Variants in MERTK observed in about 807,000 individuals in gnomAD.
MERTK encodes the protein tyrosine-protein kinase Mer.
In MERTK, 69 loss-of-function variants were observed where a neutral mutation model predicts 99.3. The observed-to-expected ratio is 0.70, with a 90% CI of 0.57 to 0.85. The LOEUF (loss-of-function observed/expected upper bound fraction) is 0.85. Among genes scored for constraint, MERTK ranks in the 40% least tolerant of loss-of-function variants. The pLI is 0.00. For synonymous variants in MERTK, 426 were observed against 467.6 expected, an observed-to-expected ratio of 0.91 and a Z score of 1.15; for missense variants, 1,125 against 1,249.4, an observed-to-expected ratio of 0.90 and a Z score of 1.50.
In MERTK at chr2:111,960,500, A is replaced by G. The variant is rs994986483; in HGVS notation, c.758-4691A>G. 6.8e-4 allele frequency among the ~76,000 whole-genome samples: 101 copies of G among 149,062 alleles called. 1 individual carries two copies. In the Middle Eastern group the frequency reaches 0.017, roughly 25 times the overall value. On this transcript the variant is annotated intron_variant, in intron 4 of 18. Transcript: ENST00000295408. ...AGTCTCAAAAAAAAAAAAAAAAAAA[A>G]AGAAAAGAAAATTCCAAATTTTGTC...
intron 13 of MERTK, among the ~76,000 whole-genome samples, chr2:112,005,781 T>G (rs1300592605): frequency 6.6e-6 from 1 of 152,226 alleles, no homozygotes; most frequent in Non-Finnish European, 1.5e-5. Context: ...AAAGTAAAAT[T>G]GGATTCTTCC....
In MERTK at chr2:111,935,940, A is replaced by G. The variant is rs1451081267; in HGVS notation, c.482+6400A>G. Among the ~76,000 whole-genome samples the G allele has an allele frequency of 7.9e-5, 12 of 152,158 alleles. No homozygotes were observed. The East Asian group carries it at 2.3e-3, about 30-fold the overall frequency. ...AAAAAATTTTTTTGTTTTTTGAGAC[A>G]GAGTCTTGCTCTGTCACCCAGGCTG... On this transcript the variant is annotated intron_variant, in intron 2 of 18. Coordinates refer to ENST00000295408, the MANE Select transcript of MERTK (RefSeq NM_006343.3).
intron 13 of MERTK, among the ~76,000 whole-genome samples, chr2:112,005,665 A>C (rs1676965832): frequency 6.6e-6 from 1 of 152,190 alleles, no homozygotes; most frequent in Non-Finnish European, 1.5e-5. Flanking sequence ...AGTCTTCATC[A>C]TGAATCATGG....
At chr2:111,916,002 A>G (rs1298804700) in intron 1 of MERTK, among the ~76,000 whole-genome samples, 2 of 152,202 alleles carry the variant, frequency 1.3e-5, no homozygotes, top group Non-Finnish European at 2.9e-5. Context: ...AACATAGACT[A>G]TATGATTTCA....
At chr2:111,948,457 C>T (rs537530783) in intron 4 of MERTK, among the ~76,000 whole-genome samples, 1 of 152,282 alleles carries the variant, frequency 6.6e-6, no homozygotes, top group African/African-American at 2.4e-5. Context: ...GAACTCCAGC[C>T]CAGACCCCTC....
chr2:112,022,703 T>A, intron 18 of MERTK: 2 of 533,198 alleles, frequency 3.8e-6, no homozygotes, highest in Non-Finnish European at 3.5e-6. Flanking sequence ...CTAGGAAATA[T>A]ATCCACAGAT....
chr2:111,944,890 AAG>A, intron 2 of MERTK, 68 bp from the exon 3 acceptor site: 1 of 1,283,700 alleles, frequency 7.8e-7, no homozygotes, highest in Non-Finnish European at 1.1e-6. Context: ...GAAGTTGAAG[AAG>A]TTTCCATCCT....
At chr2:111,976,410 T>G (rs1484075224) in intron 7 of MERTK, among the ~76,000 whole-genome samples, 1 of 151,896 alleles carries the variant, frequency 6.6e-6, no homozygotes, top group Non-Finnish European at 1.5e-5. Context: ...CGGGAAGAGG[T>G]CAGAGAGATT....
intron 1 of MERTK, among the ~76,000 whole-genome samples, chr2:111,925,521 T>A (rs1472806170): frequency 6.6e-6 from 1 of 151,500 alleles, no homozygotes; most frequent in Non-Finnish European, 1.5e-5. Flanking sequence ...CAGGCTTGTC[T>A]CGAACTCCTG....
chr2:111,978,118 G>GTT (rs56125890), intron 7 of MERTK, among the ~76,000 whole-genome samples: 1 of 143,550 alleles, frequency 7.0e-6, no homozygotes, highest in Non-Finnish European at 1.5e-5. Context: ...CTAATTTTTG[G>GTT]TTTTTTTTTT....
At chr2:111,904,379 CTTTT>C (rs11464692) in intron 1 of MERTK, among the ~76,000 whole-genome samples, 1 of 144,216 alleles carries the variant, frequency 6.9e-6, no homozygotes. Context: ...CCAGAAAATT[CTTTT>C]TTTTTTTTTT....
chr2:112,016,531 T>A (rs576173709), intron 15 of MERTK, among the ~76,000 whole-genome samples: 4 of 152,214 alleles, frequency 2.6e-5, no homozygotes, highest in Non-Finnish European at 5.9e-5. Flanking sequence ...GATACTGCGA[T>A]GGCCCAATAT....
rs544395052 is a variant in MERTK, at chr2:111,907,897, A to G, written c.61+9101A>G. 1.1e-4 allele frequency among the ~76,000 whole-genome samples: 16 copies of G among 152,344 alleles called. No individual in the cohort carries two copies. The East Asian group carries it at 2.9e-3, about 28-fold the overall frequency. On this transcript the variant is annotated intron_variant, in intron 1 of 18. Transcript: ENST00000295408. ...TATGCTTCAGAACTACCTAGGAAGC[A>G]TTTTCGCAAGGTAGAAGCTCAGGTT... is the stretch of plus-strand genomic sequence containing the variant.
At chr2:111,915,009 A>G (rs965539286) in intron 1 of MERTK, among the ~76,000 whole-genome samples, 10 of 152,216 alleles carry the variant, frequency 6.6e-5, no homozygotes, top group Non-Finnish European at 1.0e-4. Context: ...CAATGAAACC[A>G]TCTGGGCCTG....
chr2:112,025,307 C>A (rs910564133), intron 18 of MERTK, among the ~76,000 whole-genome samples: 1 of 152,180 alleles, frequency 6.6e-6, no homozygotes, highest in Non-Finnish European at 1.5e-5. Context: ...TCAGGGGCTC[C>A]TCTCCGGGAC....
rs546484010 is a variant in MERTK, at chr2:112,020,936, G to A, written c.2190-486G>A. On this transcript the variant is annotated intron_variant, in intron 16 of 18. Coordinates refer to ENST00000295408, the MANE Select transcript of MERTK (RefSeq NM_006343.3). ...AGGCTAGGCGTGGTAGCTCATACCT[G>A]TAATCCCAGCACTTTGGAATGCCAA... is the stretch of plus-strand genomic sequence containing the variant. 1.3e-4 allele frequency among the ~76,000 whole-genome samples: 19 copies of A among 151,658 alleles called. 1 individual carries two copies. The highest frequency in any genetic ancestry group is 4.4e-4 in the African/African-American group (18 of 41,284).
intron 18 of MERTK, chr2:112,024,794 G>A (rs72825671): frequency 0.026 from 3,902 of 152,600 alleles, 72 homozygotes; most frequent in Middle Eastern, 0.065. Flanking sequence ...GCTGGGTGTT[G>A]TAGGGCATGC....
At chr2:111,957,576 A>G (rs1685173531) in intron 4 of MERTK, among the ~76,000 whole-genome samples, 1 of 152,024 alleles carries the variant, frequency 6.6e-6, no homozygotes, top group African/African-American at 2.4e-5. Context: ...CATACATCTT[A>G]CTTATCAAGG....
intron 1 of MERTK, 121 bp downstream of exon 1, chr2:111,898,917 C>T: frequency 7.6e-6 from 8 of 1,047,276 alleles, no homozygotes; most frequent in Non-Finnish European, 1.1e-5. Flanking sequence ...TTTGCAAACA[C>T]CCTCCACCCA....
Sources: gnomAD v4.1 joint callset for allele counts (sites outside exome capture counted in the v4.1 genomes callset) on GRCh38, gnomAD v4.1.1 for gene constraint, MANE v1.5 for transcripts, NCBI Gene and HGNC (gene_info 2026-07-23, HGNC 2026-07-21) for gene names.